MERTK: variants seen among roughly 807,000 people sequenced by gnomAD.
The protein encoded by MERTK is MER proto-oncogene, tyrosine kinase.
In MERTK, 69 loss-of-function variants were observed where a neutral mutation model predicts 99.3. That is an observed-to-expected ratio of 0.70 (90% CI 0.57 to 0.85). The LOEUF is 0.85. Ranked by LOEUF, MERTK falls within the 40% of genes least tolerant of loss-of-function variation. MERTK has a pLI of 0.00. For missense variants in MERTK, 1,125 were observed against 1,249.4 expected, an observed-to-expected ratio of 0.90 and a Z score of 1.50; for synonymous variants, 426 against 467.6, an observed-to-expected ratio of 0.91 and a Z score of 1.15.
Position 111,929,455 on chromosome 2 carries a change from G to T in MERTK, c.397G>T (p.Asp133Tyr). Residue 133 changes from aspartate to tyrosine, a missense_variant, in exon 2 of 19, where the codon GAT becomes TAT. Asp to Tyr is a radical substitution (Grantham distance 160, BLOSUM62 -3). Coordinates refer to ENST00000295408, the MANE Select transcript of MERTK (RefSeq NM_006343.3). ...GGACACCACAATTTCTTGGTGGAAA[G>T]ATGGGAAGGAATTGCTTGGGGCACA... The part of the protein sequence containing the change: ...YQDTTISWWK[D>Y]GKELLGAHHA... 6.2e-7 allele frequency: 1 copy of T among 1,614,140 alleles called. No individual in the cohort carries two copies. The highest frequency in any genetic ancestry group is 1.3e-5 in the African/African-American group (1 of 75,044).
At chr2:111,931,105 G>A (rs1010582609) in intron 2 of MERTK, among the ~76,000 whole-genome samples, 1 of 152,166 alleles carries the variant, frequency 6.6e-6, no homozygotes, top group Admixed American at 6.5e-5. Context: ...GCCTTTTAGT[G>A]AATCATTTTG....
At chr2:111,956,533 T>G (rs575409824) in intron 4 of MERTK, among the ~76,000 whole-genome samples, 14 of 152,350 alleles carry the variant, frequency 9.2e-5, no homozygotes, top group African/African-American at 3.4e-4. Context: ...ATATAATTAT[T>G]AATATCCTTG....
chr2:112,010,941 C>T (rs1677087908), intron 15 of MERTK, among the ~76,000 whole-genome samples: 1 of 152,170 alleles, frequency 6.6e-6, no homozygotes, highest in Non-Finnish European at 1.5e-5. Context: ...TGGCTGGCCT[C>T]TGTCAACAGT....
intron 5 of MERTK, among the ~76,000 whole-genome samples, chr2:111,965,586 G>A (rs1468763527): frequency 6.6e-6 from 1 of 152,208 alleles, no homozygotes; most frequent in African/African-American, 2.4e-5. Context: ...AAGAAAACAA[G>A]CTAAAATGTT....
intron 12 of MERTK, 25 bp downstream of exon 12, chr2:112,003,212 TA>T: frequency 9.2e-7 from 1 of 1,091,980 alleles, no homozygotes; most frequent in South Asian, 1.2e-5. Context: ...GTAATTCTTT[TA>T]AAATGTGGGA....
chr2:112,003,968 A>G lies in MERTK; in HGVS notation c.1851A>G (p.Ala617=), dbSNP rs148125428. The G allele has an allele frequency of 1.7e-5, 28 of 1,613,210 alleles. No homozygotes were observed. In the African/African-American group the frequency reaches 3.7e-4, roughly 21 times the overall value. ...AAGATGGGACCTCTCTGAAAGTGGC[A>G]GTGAAGACCATGAAGTGTGAGTTAT... ...KQEDGTSLKV[A]VKTMKLDNSS... The change falls in exon 13 of 19, where the codon GCA becomes GCG. Residue 617 remains alanine (A), a synonymous_variant. Coordinates refer to ENST00000295408, the MANE Select transcript of MERTK (RefSeq NM_006343.3).
chr2:111,898,731 C>T lies in MERTK; in HGVS notation c.-5C>T. On this transcript the variant is annotated 5_prime_UTR_variant, in exon 1 of 19. Coordinates refer to ENST00000295408, the MANE Select transcript of MERTK (RefSeq NM_006343.3). ...GGAGAGAAATTACAGATCCGCAGCC[C>T]CGGGATGGGGCCGGCCCCGCTGCCG... 1 of 1,606,236 alleles carries T rather than the reference C, an allele frequency of 6.2e-7. No individual in the cohort carries two copies. The highest frequency in any genetic ancestry group is 8.5e-7 in the Non-Finnish European group (1 of 1,176,930).
chr2:112,028,912 G>A lies in MERTK; in HGVS notation c.*48G>A. ...CAAAAATCAAGCCAATTCTTCTGCT[G>A]TAGGAGAATCCAATTGTACCTGATG... On this transcript the variant is annotated 3_prime_UTR_variant, in exon 19 of 19. Coordinates refer to ENST00000295408, the MANE Select transcript of MERTK (RefSeq NM_006343.3). The A allele has an allele frequency of 1.2e-6, 2 of 1,612,740 alleles. No homozygotes were observed. The highest frequency in any genetic ancestry group is 4.5e-5 in the East Asian group (2 of 44,882).
rs191120689 is a variant in MERTK at position 111,933,290 on chromosome 2, A to G, written c.482+3750A>G. Among the ~76,000 whole-genome samples, 168 of 152,344 alleles carry G rather than the reference A, an allele frequency of 1.1e-3. 1 individual carries two copies. The highest frequency in any genetic ancestry group is 3.9e-3 in the African/African-American group (164 of 41,578). On this transcript the variant is annotated intron_variant, in intron 2 of 18. Transcript: ENST00000295408. The stretch of plus-strand genomic sequence containing the variant: ...CTCTTCTCACATCTCCTGGGCCCTA[A>G]GGAAATCTACTGTGGCTCCCAGGAA...
intron 6 of MERTK, among the ~76,000 whole-genome samples, chr2:111,971,053 A>G (rs1002535735): frequency 5.3e-5 from 8 of 152,188 alleles, no homozygotes; most frequent in Middle Eastern, 6.8e-3. Flanking sequence ...GGTAGTTTCT[A>G]TGTTATAGGA....
chr2:111,956,023 C>T (rs545753891), intron 4 of MERTK, among the ~76,000 whole-genome samples: 1 of 151,662 alleles, frequency 6.6e-6, no homozygotes, highest in African/African-American at 2.4e-5. Context: ...ATGTAAATGA[C>T]GAGTTGATGG....
Position 111,974,935 on chromosome 2 carries a change from A to G in MERTK, c.961-354A>G, listed in dbSNP as rs571754663. On this transcript the variant is annotated intron_variant, in intron 6 of 18. Transcript: ENST00000295408. ...ATTATATCTGTTTCCTCTGTTGCAT[A>G]CTCCATGAAGCAGCTGAAAGAGGTC... Among the ~76,000 whole-genome samples, 113 of 152,228 alleles carry G rather than the reference A, an allele frequency of 7.4e-4. 1 individual carries two copies. The highest frequency in any genetic ancestry group is 1.4e-3 in the Non-Finnish European group (94 of 68,010).
intron 4 of MERTK, among the ~76,000 whole-genome samples, chr2:111,949,607 C>G (rs1685020217): frequency 6.6e-6 from 1 of 152,152 alleles, no homozygotes; most frequent in Non-Finnish European, 1.5e-5. Flanking sequence ...GTAAAATTGA[C>G]ATACAATTAA....
intron 8 of MERTK, among the ~76,000 whole-genome samples, chr2:111,987,989 C>CTTT (rs3077010): frequency 7.5e-6 from 1 of 133,258 alleles, no homozygotes; most frequent in African/African-American, 2.8e-5. Context: ...ATAGAACTAA[C>CTTT]TTTTTTTTTT....
intron 15 of MERTK, among the ~76,000 whole-genome samples, chr2:112,010,760 ATCC>A (rs1002835387): frequency 1.3e-5 from 2 of 152,184 alleles, no homozygotes; most frequent in African/African-American, 2.4e-5. Flanking sequence ...CAAAAACAGT[ATCC>A]TCCTGTTATG....
intron 2 of MERTK, among the ~76,000 whole-genome samples, chr2:111,942,913 G>A (rs1227665037): frequency 6.6e-6 from 1 of 152,166 alleles, no homozygotes; most frequent in Non-Finnish European, 1.5e-5. Context: ...TTTATCACAG[G>A]CCAATGAGGA....
chr2:112,000,204 T>G (rs1676841472), intron 10 of MERTK, among the ~76,000 whole-genome samples: 1 of 152,230 alleles, frequency 6.6e-6, no homozygotes, highest in Non-Finnish European at 1.5e-5. Flanking sequence ...TACGTGCAGG[T>G]CACAGGGGAT....
chr2:111,937,963 G>A (rs1204964545), intron 2 of MERTK, among the ~76,000 whole-genome samples: 1 of 152,078 alleles, frequency 6.6e-6, no homozygotes, highest in Non-Finnish European at 1.5e-5. Flanking sequence ...CCCATTTTGA[G>A]TATACAATTC....
At position 111,929,117 on chromosome 2, in the gene MERTK, C is replaced by T. The variant is rs1489949866; in HGVS notation, c.62-3C>T. The T allele has an allele frequency of 1.9e-6, 3 of 1,614,078 alleles. No homozygotes were observed. The highest frequency in any genetic ancestry group is 1.3e-5 in the African/African-American group (1 of 74,920). Reference sequence around the variant, plus strand: ...GCTAAAATTTGGATGTTCTGTTTTACAGCTATCACTGAGGCAAGGGAAGAA... The same window carrying T: ...GCTAAAATTTGGATGTTCTGTTTTATAGCTATCACTGAGGCAAGGGAAGAA... On this transcript the variant is annotated splice_region_variant and splice_polypyrimidine_tract_variant and intron_variant, in intron 1 of 18. Coordinates refer to ENST00000295408, the MANE Select transcript of MERTK (RefSeq NM_006343.3).
Sources: gnomAD v4.1 joint callset for allele counts (sites outside exome capture counted in the v4.1 genomes callset) on GRCh38, gnomAD v4.1.1 for gene constraint, MANE v1.5 for transcripts, NCBI Gene and HGNC (gene_info 2026-07-23, HGNC 2026-07-21) for gene names.